DPYSL4: variants seen among roughly 807,000 people sequenced by gnomAD.
The protein encoded by DPYSL4 is dihydropyrimidinase-related protein 4.
In DPYSL4, 43 loss-of-function variants were observed where a neutral mutation model predicts 63.4. That is an observed-to-expected ratio of 0.68 (90% CI 0.53 to 0.88). The LOEUF is 0.88. Among genes scored for constraint, DPYSL4 ranks in the 40% least tolerant of loss-of-function variants. DPYSL4 has a pLI of 0.00. For missense variants in DPYSL4, 733 were observed against 819.5 expected (o/e 0.89, Z 1.29); for synonymous variants, 353 against 331.7 (o/e 1.06, Z -0.70).
At chr10:132,201,108 T>C in intron 10 of DPYSL4, 125 bp downstream of exon 10, 3 of 1,386,816 alleles carry the variant, frequency 2.2e-6, no homozygotes, top group Non-Finnish European at 2.9e-6. Flanking sequence ...GCACACGGGC[T>C]CCGGGGTGGC....
intron 12 of DPYSL4, 109 bp from the exon 13 acceptor site, chr10:132,203,653 G>C: frequency 9.0e-7 from 1 of 1,115,012 alleles, no homozygotes; most frequent in South Asian, 1.5e-5. Flanking sequence ...CGCAGAGCAG[G>C]CCCAGCCCTC....
chr10:132,203,864 T>C lies in DPYSL4; in HGVS notation c.1564T>C (p.Cys522Arg). Residue 522 changes from cysteine (C) to arginine (R), a missense_variant, in exon 13 of 14, where the codon TGC becomes CGC. Cys to Arg is a radical substitution (Grantham distance 180, BLOSUM62 -3). Coordinates refer to ENST00000338492, the MANE Select transcript of DPYSL4 (RefSeq NM_006426.3). ...GAGTGGCGCTCCGGCCCGCGCGTCC[T>C]GCCCAGGCAAGATCTCCGTCCCTCC... ...PGSGAPARAS[C>R]PGKISVPPVR... 1.2e-6 allele frequency: 2 copies of C among 1,613,020 alleles called. No homozygotes were observed. Among genetic ancestry groups the C allele is most frequent in the Non-Finnish European group, 1.7e-6 (2 of 1,179,766 alleles).
intron 6 of DPYSL4, among the ~76,000 whole-genome samples, 200 bp from the exon 7 acceptor site, chr10:132,198,215 C>A (rs573710252): frequency 2.0e-5 from 3 of 152,300 alleles, no homozygotes; most frequent in African/African-American, 7.2e-5. Context: ...GCTGTCCCCT[C>A]CTTGGTAACT....
chr10:132,191,422 T>C (rs944751083), intron 2 of DPYSL4, among the ~76,000 whole-genome samples: 1 of 130,676 alleles, frequency 7.7e-6, no homozygotes, highest in Admixed American at 7.8e-5. Context: ...TCCCAGCTCG[T>C]GTGTACACGC....
intron 2 of DPYSL4, 88 bp from the exon 3 acceptor site, chr10:132,192,570 A>G: frequency 6.7e-7 from 1 of 1,491,068 alleles, no homozygotes; most frequent in Middle Eastern, 1.8e-4. Context: ...GAGCTCATGC[A>G]AACCCTTTAG....
chr10:132,199,100 C>T (rs796717661), intron 8 of DPYSL4, 129 bp downstream of exon 8: 14 of 1,362,908 alleles, frequency 1.0e-5, no homozygotes, highest in African/African-American at 7.3e-5. Flanking sequence ...GTCCCTGCAT[C>T]GGGGTGGGGC....
At chr10:132,203,717 G>A in intron 12 of DPYSL4, 45 bp from the exon 13 acceptor site, 1 of 1,477,580 alleles carries the variant, frequency 6.8e-7, no homozygotes, top group Non-Finnish European at 9.0e-7. Context: ...CAGCTGCCCA[G>A]GCTCAGCCCC....
At chr10:132,187,589 C>CT (rs2061820684) in intron 1 of DPYSL4, among the ~76,000 whole-genome samples, 1 of 152,218 alleles carries the variant, frequency 6.6e-6, no homozygotes, top group African/African-American at 2.4e-5. Context: ...TCGCCCGCCC[C>CT]TTGGACGCAC....
intron 1 of DPYSL4, among the ~76,000 whole-genome samples, chr10:132,187,400 G>A (rs920187909): frequency 3.3e-5 from 5 of 150,404 alleles, no homozygotes; most frequent in Non-Finnish European, 7.4e-5. Context: ...GGCCTTGCCG[G>A]CTTCCGGGAG....
Position 132,196,921 on chromosome 10 carries a change from A to AG in DPYSL4, c.540+1dup. The AG allele has an allele frequency of 6.2e-7, 1 of 1,606,020 alleles. No individual in the cohort carries two copies. The highest frequency in any genetic ancestry group is 8.5e-7 in the Non-Finnish European group (1 of 1,175,112). ...GACCGGTGCCAGTGCAGCGACAGCC[A>AG]GGTAAGGGCAGGCGTGGGGAACGGA... On this transcript the variant is annotated frameshift_variant and splice_region_variant, in exon 5 of 14. Transcript: ENST00000338492. LOFTEE classifies it high-confidence loss of function.
chr10:132,187,876 A>T (rs2061826559), intron 1 of DPYSL4, among the ~76,000 whole-genome samples: 1 of 152,104 alleles, frequency 6.6e-6, no homozygotes, highest in South Asian at 2.1e-4. Flanking sequence ...GGGTGGGAGG[A>T]AGGAGGCTTC....
In DPYSL4 at chr10:132,194,870, T is replaced by C. The variant is rs1483290798; in HGVS notation, c.339T>C (p.Gly113=). 1.9e-6 allele frequency: 3 copies of C among 1,612,504 alleles called. No homozygotes were observed. Among genetic ancestry groups the C allele is most frequent in the Non-Finnish European group, 2.5e-6 (3 of 1,179,866 alleles). Residue 113 remains glycine, a synonymous_variant, in exon 4 of 14, where the codon GGT becomes GGC. Transcript: ENST00000338492. ...MILDHVFPDT[G]VSLLAAYEQW... is the part of the protein sequence containing the mutation. Reference sequence around the variant, plus strand: ...TGGACCACGTCTTCCCCGACACGGGTGTGAGCCTGCTGGCGGCCTACGAGC... The same window carrying C: ...TGGACCACGTCTTCCCCGACACGGGCGTGAGCCTGCTGGCGGCCTACGAGC...
chr10:132,198,961 C>T lies in DPYSL4; in HGVS notation c.801C>T (p.Ala267=), dbSNP rs2061978322. 3.1e-6 allele frequency: 5 copies of T among 1,610,412 alleles called. No individual in the cohort carries two copies. The highest frequency in any genetic ancestry group is 3.4e-6 in the Non-Finnish European group (4 of 1,178,644). The change falls in exon 8 of 14, where the codon GCC becomes GCT. Residue 267 remains alanine, a synonymous_variant. Transcript: ENST00000338492. ...SKGAADAIAQ[A]KRRGVVVFGE... ...GGGCGGCCGACGCCATCGCTCAGGC[C>T]AAGCGCAGAGGTGAGCACCCAGCCC...
intron 1 of DPYSL4, among the ~76,000 whole-genome samples, chr10:132,187,350 G>T (rs61865796): frequency 3.5e-5 from 1 of 28,740 alleles, no homozygotes; most frequent in South Asian, 1.7e-3. Flanking sequence ...GGCCCTGCCC[G>T]GCCCTGCCGG....
intron 13 of DPYSL4, among the ~76,000 whole-genome samples, chr10:132,204,385 G>C (rs1426550235): frequency 6.6e-6 from 1 of 152,192 alleles, no homozygotes; most frequent in Admixed American, 6.5e-5. Context: ...CAGGCTGCCA[G>C]GGTCCGGCCT....
intron 12 of DPYSL4, 132 bp downstream of exon 12, chr10:132,202,957 C>A: frequency 1.8e-6 from 2 of 1,124,464 alleles, no homozygotes; most frequent in Non-Finnish European, 2.5e-6. Context: ...CCGCTGCTTG[C>A]CCAGGGCCCT....
intron 2 of DPYSL4, among the ~76,000 whole-genome samples, chr10:132,192,057 G>A (rs111728651): frequency 4.0e-5 from 4 of 98,976 alleles, no homozygotes; most frequent in Non-Finnish European, 9.0e-5. Flanking sequence ...ATCCAGGCAG[G>A]TGAAAATAGT....
chr10:132,203,941 G>A lies in DPYSL4; in HGVS notation c.1627+14G>A. On this transcript the variant is annotated intron_variant, in intron 13 of 13. Coordinates refer to ENST00000338492, the MANE Select transcript of DPYSL4 (RefSeq NM_006426.3). ...TCAGCCTATCTGGTGAGTTGGGCCT[G>A]GGGCACCAGTGGGGGTGAGGGGCTC... 2 of 1,587,484 alleles carry A rather than the reference G, an allele frequency of 1.3e-6. No individual in the cohort carries two copies. Among genetic ancestry groups the A allele is most frequent in the Middle Eastern group, 1.7e-4 (1 of 5,976 alleles).
chr10:132,200,663 G>A, intron 9 of DPYSL4, 151 bp downstream of exon 9: 1 of 1,375,222 alleles, frequency 7.3e-7, no homozygotes, highest in Non-Finnish European at 9.7e-7. Flanking sequence ...GGTCCCAGCG[G>A]GGGCTCCCCT....
Sources: gnomAD v4.1 joint callset for allele counts (sites outside exome capture counted in the v4.1 genomes callset) on GRCh38, gnomAD v4.1.1 for gene constraint, MANE v1.5 for transcripts, NCBI Gene and HGNC (gene_info 2026-07-23, HGNC 2026-07-21) for gene names.